The following SMIM38 variants were observed in gnomAD, a reference collection of about 807,000 sequenced individuals.
SMIM38 encodes the protein small integral membrane protein 38.
chr11:69,155,842 C>CT (rs1856978953), upstream of SMIM38: 1 of 152,288 alleles, frequency 6.6e-6, no homozygotes, highest in African/African-American at 2.4e-5. Flanking sequence ...AGCAAATGCT[C>CT]TATCGATGAC....
intron 1 of SMIM38, among the ~76,000 whole-genome samples, chr11:69,156,805 T>A (rs751851447): frequency 4.6e-5 from 7 of 152,154 alleles, no homozygotes. Context: ...TAAGGCAGGA[T>A]CTGCGGCTCT....
chr11:69,157,942 C>T lies in SMIM38; in HGVS notation c.96C>T (p.Leu32=), dbSNP rs574137761. The change falls in exon 2 of 3, where the codon CTC becomes CTT. Residue 32 remains leucine (L), a synonymous_variant. Transcript: ENST00000686237. ...LLARLILWSC[L]GTYIDYRLAQ... ...CACGCCTCATCCTGTGGTCCTGCCTCGGGACCTACATCGACTACAGACTGG... is the reference window on the plus strand; with the variant it reads ...CACGCCTCATCCTGTGGTCCTGCCTTGGGACCTACATCGACTACAGACTGG... The T allele has an allele frequency of 1.1e-4, 42 of 399,060 alleles. No individual in the cohort carries two copies. The highest frequency in any genetic ancestry group is 1.3e-3 in the Middle Eastern group (2 of 1,596). 24.7% of individuals were successfully genotyped at this position (399,060 alleles called of 1,614,324 possible). A position where few individuals can be genotyped will look rare whatever the true frequency, so the allele number is the denominator to read the frequency against.
rs576913476 is a variant in SMIM38 at position 69,155,936 on chromosome 11, C to G, written c.-852C>G. On this transcript the variant is annotated 5_prime_UTR_variant, in exon 1 of 3. Coordinates refer to ENST00000686237, the MANE Select transcript of SMIM38 (RefSeq NM_001369201.2). ...AACCGCTGCGCGTGGAAAACAAGCC[C>G]AGAGCTCAACGTTCCCTAAGTGAGT... 6.6e-6 allele frequency: 1 copy of G among 152,512 alleles called. No individual in the cohort carries two copies. Among genetic ancestry groups the G allele is most frequent in the East Asian group, 1.9e-4 (1 of 5,180 alleles). The allele number at this position is 152,512 out of a possible 1,614,324, so 9.4% of individuals were successfully genotyped here.
At position 69,159,125 on chromosome 11, in the gene SMIM38, T is replaced by C. The variant is rs2924528; in HGVS notation, c.*1123T>C. On this transcript the variant is annotated 3_prime_UTR_variant, in exon 2 of 3. Coordinates refer to ENST00000686237, the MANE Select transcript of SMIM38 (RefSeq NM_001369201.2). ...TGAGAGGTGATGGGTATGCTAGGGA[T>C]GCTCGCTCAGGGAACGTGGGCCAAG... The C allele has an allele frequency of 0.43, 64,722 of 152,068 alleles. 14,273 individuals carry two copies. Among genetic ancestry groups the C allele is most frequent in the African/African-American group, 0.54 (22,266 of 41,460 alleles). The allele number at this position is 152,068 out of a possible 1,614,324, so 9.4% of individuals were successfully genotyped here.
In SMIM38 at chr11:69,158,767, C is replaced by T. The variant is rs541716940; in HGVS notation, c.*765C>T. 5.2e-5 allele frequency: 8 copies of T among 152,542 alleles called. No individual in the cohort carries two copies. The highest frequency in any genetic ancestry group is 2.1e-4 in the South Asian group (1 of 4,830). The allele number at this position is 152,542 out of a possible 1,614,324, so 9.4% of individuals were successfully genotyped here. Reference sequence around the variant, plus strand: ...GAAGTGCCCAGGAAGGCTGACAGGGCAGGGAAGTTGATTTGAGGCCAAGCA... The same window carrying T: ...GAAGTGCCCAGGAAGGCTGACAGGGTAGGGAAGTTGATTTGAGGCCAAGCA... On this transcript the variant is annotated 3_prime_UTR_variant, in exon 2 of 3. Transcript: ENST00000686237.
rs1404272539 is a variant in SMIM38 at position 69,158,976 on chromosome 11, G to A, written c.*974G>A. On this transcript the variant is annotated 3_prime_UTR_variant, in exon 2 of 3. Transcript: ENST00000686237. ...CAGCAGATCGTGGATTGCAGCGAGG[G>A]CTGCTGACTGCATGCGGAACTGTGA... 1 of 152,276 alleles carries A rather than the reference G, an allele frequency of 6.6e-6. No homozygotes were observed. Among genetic ancestry groups the A allele is most frequent in the East Asian group, 1.9e-4 (1 of 5,194 alleles). 9.4% of individuals were successfully genotyped at this position (152,276 alleles called of 1,614,324 possible). A position where few individuals can be genotyped will look rare whatever the true frequency, so the allele number is the denominator to read the frequency against.
At position 69,159,545 on chromosome 11, in the gene SMIM38, T is replaced by A. The variant is rs1857031896; in HGVS notation, c.*1449T>A. On this transcript the variant is annotated 3_prime_UTR_variant, in exon 3 of 3. Transcript: ENST00000686237. ...TCTGGGGTGGGACCGACCAAGAGTT[T>A]GAGGTGTCCAGGGGGTGACGTGAAG... 6.6e-6 allele frequency: 1 copy of A among 151,776 alleles called. No homozygotes were observed. Among genetic ancestry groups the A allele is most frequent in the South Asian group, 2.1e-4 (1 of 4,818 alleles). The allele number at this position is 151,776 out of a possible 1,614,324, so 9.4% of individuals were successfully genotyped here.
chr11:69,157,031 A>C (rs1395311689), intron 1 of SMIM38, 143 bp from the exon 2 acceptor site: 2 of 152,464 alleles, frequency 1.3e-5, no homozygotes, highest in Admixed American at 6.5e-5. Context: ...TGGGGGATGA[A>C]GCCGGTTTCC....
In SMIM38 at chr11:69,159,837, G is replaced by C. The variant is rs1210053247; in HGVS notation, c.*1741G>C. Reference sequence around the variant, plus strand: ...AATATTGTTCGCTTTTTAAAAACATGATCTGGTACCATTTCATTGATCTCT... The same window carrying C: ...AATATTGTTCGCTTTTTAAAAACATCATCTGGTACCATTTCATTGATCTCT... On this transcript the variant is annotated 3_prime_UTR_variant, in exon 3 of 3. Transcript: ENST00000686237. 1 of 152,158 alleles carries C rather than the reference G, an allele frequency of 6.6e-6. No individual in the cohort carries two copies. The highest frequency in any genetic ancestry group is 1.5e-5 in the Non-Finnish European group (1 of 68,022). The allele number at this position is 152,158 out of a possible 1,614,324, so 9.4% of individuals were successfully genotyped here.
At chr11:69,156,283 A>G (rs1856985922) in intron 1 of SMIM38, among the ~76,000 whole-genome samples, 169 bp downstream of exon 1, 3 of 152,172 alleles carry the variant, frequency 2.0e-5, no homozygotes, top group Admixed American at 6.5e-5. Context: ...GAAGGCCCCC[A>G]TTGCTGTTCT....
At chr11:69,155,856 C>G (rs927574032), upstream of SMIM38, 10 of 152,276 alleles carry the variant, frequency 6.6e-5, no homozygotes, top group Non-Finnish European at 1.2e-4. Flanking sequence ...CGATGACTTA[C>G]TCTATGACGG....
intron 1 of SMIM38, among the ~76,000 whole-genome samples, chr11:69,156,451 G>A (rs1436973015): frequency 6.6e-6 from 1 of 152,164 alleles, no homozygotes; most frequent in Admixed American, 6.5e-5. Flanking sequence ...CAGTTCTGGC[G>A]GTTTATCTCT....
chr11:69,157,551 A>C lies in SMIM38; in HGVS notation c.-296A>C. 3.3e-6 allele frequency: 1 copy of C among 306,196 alleles called. No individual in the cohort carries two copies. Among genetic ancestry groups the C allele is most frequent in the Admixed American group, 5.1e-5 (1 of 19,762 alleles). 19.0% of individuals were successfully genotyped at this position (306,196 alleles called of 1,614,324 possible). ...ACGGAGAGTGGTTAATTCTGGATGA[A>C]TGGTACACGGGCCTCTTGACCAAGG... On this transcript the variant is annotated 5_prime_UTR_variant, in exon 2 of 3. An upstream start codon of the reference 5' UTR is lost. Coordinates refer to ENST00000686237, the MANE Select transcript of SMIM38 (RefSeq NM_001369201.2).
chr11:69,158,277 G>A lies in SMIM38; in HGVS notation c.*275G>A. 3.1e-6 allele frequency: 1 copy of A among 324,378 alleles called. No homozygotes were observed. Among genetic ancestry groups the A allele is most frequent in the Admixed American group, 4.9e-5 (1 of 20,260 alleles). 20.1% of individuals were successfully genotyped at this position (324,378 alleles called of 1,614,324 possible). On this transcript the variant is annotated 3_prime_UTR_variant, in exon 2 of 3. Coordinates refer to ENST00000686237, the MANE Select transcript of SMIM38 (RefSeq NM_001369201.2). ...GGTTGCAGGGAGTGGTCCTGGGGGTGGGTCTTGCTTTAAGACCTTCTCTGC... is the reference window on the plus strand; with the variant it reads ...GGTTGCAGGGAGTGGTCCTGGGGGTAGGTCTTGCTTTAAGACCTTCTCTGC...
rs1217745298 is a variant in SMIM38 at position 69,160,884 on chromosome 11, G to A, written c.*2788G>A. The A allele has an allele frequency of 6.6e-6, 1 of 152,254 alleles. No individual in the cohort carries two copies. Among genetic ancestry groups the A allele is most frequent in the Non-Finnish European group, 1.5e-5 (1 of 68,048 alleles). 9.4% of individuals were successfully genotyped at this position (152,254 alleles called of 1,614,324 possible). On this transcript the variant is annotated 3_prime_UTR_variant, in exon 3 of 3. Coordinates refer to ENST00000686237, the MANE Select transcript of SMIM38 (RefSeq NM_001369201.2). ...AGGCAGCAGATGCATTCAGCTGCAGGTAACAGACACGTAGACAAACAGTGG... is the reference window on the plus strand; with the variant it reads ...AGGCAGCAGATGCATTCAGCTGCAGATAACAGACACGTAGACAAACAGTGG...
rs996201658 is a variant in SMIM38, at chr11:69,160,582, A to C, written c.*2486A>C. 3.3e-5 allele frequency: 5 copies of C among 152,310 alleles called. No individual in the cohort carries two copies. The highest frequency in any genetic ancestry group is 3.3e-4 in the Admixed American group (5 of 15,278). 9.4% of individuals were successfully genotyped at this position (152,310 alleles called of 1,614,324 possible). On this transcript the variant is annotated 3_prime_UTR_variant, in exon 3 of 3. Transcript: ENST00000686237. ...GAGGACAGACGCTCAAGGCGGCCCC[A>C]TGAGAACACAGCCACCTGGAAAAAT... is the stretch of plus-strand genomic sequence containing the variant.
In SMIM38 at chr11:69,159,497, C is replaced by A. The variant is rs2134700656; in HGVS notation, c.*1401C>A. On this transcript the variant is annotated 3_prime_UTR_variant, in exon 3 of 3. Transcript: ENST00000686237. ...CAAGAGAGCTACAGACACGGGGGTGCTGGTGAGCAGGAGCCGAGACCATCT... is the reference window on the plus strand; with the variant it reads ...CAAGAGAGCTACAGACACGGGGGTGATGGTGAGCAGGAGCCGAGACCATCT... The A allele has an allele frequency of 6.6e-6, 1 of 151,618 alleles. No homozygotes were observed. The highest frequency in any genetic ancestry group is 2.1e-4 in the South Asian group (1 of 4,782). 9.4% of individuals were successfully genotyped at this position (151,618 alleles called of 1,614,324 possible). A position where few individuals can be genotyped will look rare whatever the true frequency, so the allele number is the denominator to read the frequency against.
Position 69,157,984 on chromosome 11 carries a change from G to A in SMIM38, c.138G>A (p.Gln46=). 3 of 398,824 alleles carry A rather than the reference G, an allele frequency of 7.5e-6. No individual in the cohort carries two copies. Among genetic ancestry groups the A allele is most frequent in the Non-Finnish European group, 1.3e-5 (3 of 226,258 alleles). 24.7% of individuals were successfully genotyped at this position (398,824 alleles called of 1,614,324 possible). ...ACAGACTGGCCCAGCGGCGGCCCCA[G>A]AAACCCAAGCAGGACTAAGCCTCTG... ...IDYRLAQRRP[Q]KPKQD Residue 46 remains glutamine (Q), a synonymous_variant, in exon 2 of 3, where the codon CAG becomes CAA. Coordinates refer to ENST00000686237, the MANE Select transcript of SMIM38 (RefSeq NM_001369201.2).
At chr11:69,156,622 C>T (rs147490706) in intron 1 of SMIM38, among the ~76,000 whole-genome samples, 10 of 151,458 alleles carry the variant, frequency 6.6e-5, no homozygotes, top group African/African-American at 2.4e-4. Context: ...GCGCGTGTGG[C>T]AGTCAGAGAA....
Sources: gnomAD v4.1 joint callset for allele counts (sites outside exome capture counted in the v4.1 genomes callset) on GRCh38, gnomAD v4.1.1 for gene constraint, MANE v1.5 for transcripts, NCBI Gene and HGNC (gene_info 2026-07-23, HGNC 2026-07-21) for gene names.